The following ASIC2 variants were observed in gnomAD, a reference collection of about 807,000 sequenced individuals.
ASIC2 encodes acid sensing ion channel subunit 2.
ASIC2 carries 25 observed loss-of-function variants against 57.3 expected under a neutral mutation model. The observed-to-expected ratio is 0.44, with a 90% CI of 0.32 to 0.61. ASIC2 has a LOEUF of 0.61. Among genes scored for constraint, ASIC2 ranks in the 20% least tolerant of loss-of-function variants. The probability of loss-of-function intolerance (pLI) is 0.06; values close to 1 mark genes in which losing one functional copy is unlikely to be tolerated. For synonymous variants in ASIC2, 319 were observed against 307.5 expected (o/e 1.04, Z -0.39); for missense variants, 641 against 738.1 (o/e 0.87, Z 1.52).
chr17:33,362,951 A>G (rs1173148322), intron 1 of ASIC2, among the ~76,000 whole-genome samples: 1 of 152,216 alleles, frequency 6.6e-6, no homozygotes, highest in Non-Finnish European at 1.5e-5. Context: ...CTAAAACTAT[A>G]TGTGTGTAAA....
chr17:33,721,039 A>G (rs530006005), intron 1 of ASIC2, among the ~76,000 whole-genome samples: 13 of 152,268 alleles, frequency 8.5e-5, no homozygotes, highest in African/African-American at 3.1e-4. Context: ...AACAAAAATG[A>G]AGCAATGAAA....
At chr17:33,164,435 C>G (rs2346683) in intron 1 of ASIC2, among the ~76,000 whole-genome samples, 49,284 of 151,770 alleles carry the variant, frequency 0.32, 8,082 homozygotes, top group Admixed American at 0.4. Context: ...TTATTGCTGG[C>G]GGGTAATTGG....
chr17:33,671,191 T>C (rs1438112101), intron 1 of ASIC2, among the ~76,000 whole-genome samples: 1 of 152,224 alleles, frequency 6.6e-6, no homozygotes, highest in Non-Finnish European at 1.5e-5. Flanking sequence ...ATCCCAAGCC[T>C]GCCTTGACCT....
At chr17:33,531,457 G>A (rs573299011) in intron 1 of ASIC2, among the ~76,000 whole-genome samples, 7 of 152,306 alleles carry the variant, frequency 4.6e-5, no homozygotes, top group Middle Eastern at 6.8e-3. Context: ...AGAGGCGTTC[G>A]ACCTTGCAGA....
At chr17:33,851,227 T>A (rs997736055) in intron 1 of ASIC2, among the ~76,000 whole-genome samples, 17 of 152,136 alleles carry the variant, frequency 1.1e-4, no homozygotes, top group African/African-American at 3.9e-4. Flanking sequence ...AGAAGCTTTC[T>A]TAGGAGCAGC....
intron 1 of ASIC2, among the ~76,000 whole-genome samples, chr17:33,729,612 G>A (rs1037139887): frequency 1.3e-5 from 2 of 152,138 alleles, no homozygotes; most frequent in South Asian, 2.1e-4. Flanking sequence ...TGAATTTGGG[G>A]TCACTTTCCA....
At chr17:33,496,206 C>A (rs1033426720) in intron 1 of ASIC2, among the ~76,000 whole-genome samples, 5 of 152,142 alleles carry the variant, frequency 3.3e-5, no homozygotes, top group African/African-American at 1.2e-4. Context: ...AGGATGAGGG[C>A]TTGGACCGGG....
chr17:33,186,721 G>T (rs1906211730), intron 1 of ASIC2, among the ~76,000 whole-genome samples: 1 of 152,176 alleles, frequency 6.6e-6, no homozygotes, highest in African/African-American at 2.4e-5. Flanking sequence ...GATCATCAAA[G>T]CTGATCCTCT....
At chr17:34,046,294 A>G (rs1388850507) in intron 1 of ASIC2, among the ~76,000 whole-genome samples, 1 of 152,254 alleles carries the variant, frequency 6.6e-6, no homozygotes, top group Non-Finnish European at 1.5e-5. Flanking sequence ...ACGAAGCAAC[A>G]GATAACCAAA....
At chr17:33,285,197 C>T (rs1487889572) in intron 1 of ASIC2, among the ~76,000 whole-genome samples, 2 of 152,204 alleles carry the variant, frequency 1.3e-5, no homozygotes, top group East Asian at 3.9e-4. Context: ...CAAAGTGGCC[C>T]CAAAATAGCC....
At chr17:33,335,422 G>C (rs1453830897) in intron 1 of ASIC2, among the ~76,000 whole-genome samples, 1 of 152,164 alleles carries the variant, frequency 6.6e-6, no homozygotes, top group African/African-American at 2.4e-5. Flanking sequence ...GTCTCATTTG[G>C]GTTGAAGAAA....
At chr17:33,473,498 A>G (rs1315258794) in intron 1 of ASIC2, among the ~76,000 whole-genome samples, 1 of 152,054 alleles carries the variant, frequency 6.6e-6, no homozygotes, top group Non-Finnish European at 1.5e-5. Flanking sequence ...GGATGCATCA[A>G]GCAGGAATGA....
At chr17:33,717,893 A>G (rs951110831) in intron 1 of ASIC2, among the ~76,000 whole-genome samples, 3 of 152,246 alleles carry the variant, frequency 2.0e-5, no homozygotes, top group African/African-American at 7.2e-5. Flanking sequence ...TCTTACAGTT[A>G]TTATTACATT....
chr17:33,292,450 G>A lies in ASIC2; in HGVS notation c.-335C>T, dbSNP rs1905531853. On this transcript the variant is annotated 5_prime_UTR_variant, in exon 1 of 10. Transcript: ENST00000225823. ...TTCTGGAGGGGTCCCACTGGGAGCC[G>A]CCTCTCCAGTCCCTGGGTGCTGCGC... 2.0e-6 allele frequency: 2 copies of A among 985,466 alleles called. No homozygotes were observed. The highest frequency in any genetic ancestry group is 4.7e-5 in the South Asian group (1 of 21,290). 61.0% of individuals were successfully genotyped at this position (985,466 alleles called of 1,614,324 possible). A position where few individuals can be genotyped will look rare whatever the true frequency, so the allele number is the denominator to read the frequency against.
At chr17:33,147,519 T>C (rs1283692197) in intron 1 of ASIC2, among the ~76,000 whole-genome samples, 1 of 152,232 alleles carries the variant, frequency 6.6e-6, no homozygotes, top group Admixed American at 6.5e-5. Flanking sequence ...GGAAGTGTTG[T>C]TCTCTCTAAC....
intron 3 of ASIC2, among the ~76,000 whole-genome samples, chr17:33,034,180 C>T (rs1439332970): frequency 6.6e-6 from 1 of 152,184 alleles, no homozygotes; most frequent in African/African-American, 2.4e-5. Flanking sequence ...TCTCCTTCTC[C>T]TCCTTCTTCT....
intron 1 of ASIC2, among the ~76,000 whole-genome samples, chr17:34,053,240 G>A (rs773420102): frequency 3.3e-5 from 5 of 152,218 alleles, no homozygotes; most frequent in African/African-American, 4.8e-5. Context: ...TATTATGATC[G>A]TATATTAAGT....
intron 1 of ASIC2, among the ~76,000 whole-genome samples, chr17:33,358,197 T>C (rs940340980): frequency 3.3e-5 from 5 of 152,236 alleles, no homozygotes; most frequent in African/African-American, 1.2e-4. Context: ...AGAGTGTTAT[T>C]GGACTACAGC....
At chr17:34,032,227 A>T (rs1009116694) in intron 1 of ASIC2, among the ~76,000 whole-genome samples, 2 of 152,200 alleles carry the variant, frequency 1.3e-5, no homozygotes, top group South Asian at 2.1e-4. Flanking sequence ...TAAAGAAAAG[A>T]ATTTTCAACC....
Sources: allele counts gnomAD v4.1 joint callset (sites outside exome capture counted in the v4.1 genomes callset), GRCh38; gene constraint gnomAD v4.1.1; transcripts MANE v1.5; gene names NCBI Gene and HGNC (gene_info 2026-07-23, HGNC 2026-07-21).